HTR2A: variants seen among roughly 807,000 people sequenced by gnomAD.
HTR2A encodes 5-hydroxytryptamine receptor 2A, also known as 5-HT2 receptor.
A neutral mutation model predicts 31.0 loss-of-function variants in HTR2A; 14 were observed. That is an observed-to-expected ratio of 0.45 (90% CI 0.30 to 0.71). The LOEUF is 0.71. Ranked by LOEUF, HTR2A falls within the 30% of genes least tolerant of loss-of-function variation. The pLI is 0.09. For synonymous variants in HTR2A, 209 were observed against 225.2 expected (o/e 0.93, Z 0.64); for missense variants, 442 against 573.3 (o/e 0.77, Z 2.34).
At chr13:46,858,785 A>T (rs1950758206) in intron 3 of HTR2A, among the ~76,000 whole-genome samples, 1 of 152,202 alleles carries the variant, frequency 6.6e-6, no homozygotes, top group South Asian at 2.1e-4. Context: ...GGAAGATGGC[A>T]AGAATGATAT....
rs751948069 is a variant in HTR2A, at chr13:46,878,623, G to GGAAGAGGA, written c.613+13759_613+13766dup. On this transcript the variant is annotated intron_variant, in intron 3 of 3. Transcript: ENST00000542664. ...GTCTCTGGAGAATATTACCATTTAA[G>GGAAGAGGA]GAAGAGGAGAAAAGGAGTCTGCAAA... Among the ~76,000 whole-genome samples, 79 of 152,182 alleles carry GGAAGAGGA rather than the reference G, an allele frequency of 5.2e-4. 1 individual carries two copies. The highest frequency in any genetic ancestry group is 1.0e-3 in the Non-Finnish European group (69 of 68,044).
chr13:46,841,384 G>T (rs953979939), intron 3 of HTR2A, among the ~76,000 whole-genome samples: 1 of 151,916 alleles, frequency 6.6e-6, no homozygotes, highest in Non-Finnish European at 1.5e-5. Flanking sequence ...AATTCATTGA[G>T]GCCAGAAAAA....
At chr13:46,844,411 G>A (rs543132787) in intron 3 of HTR2A, among the ~76,000 whole-genome samples, 2 of 152,202 alleles carry the variant, frequency 1.3e-5, no homozygotes, top group Admixed American at 1.3e-4. Context: ...AGCCACATAG[G>A]GTGGAAAAAA....
At chr13:46,894,057 G>A (rs1333756018) in intron 2 of HTR2A, among the ~76,000 whole-genome samples, 1 of 152,244 alleles carries the variant, frequency 6.6e-6, no homozygotes, top group Non-Finnish European at 1.5e-5. Flanking sequence ...CCCTCGGAGG[G>A]GTTTCTCTGC....
At chr13:46,841,875 C>T (rs1028457438) in intron 3 of HTR2A, among the ~76,000 whole-genome samples, 1 of 152,106 alleles carries the variant, frequency 6.6e-6, no homozygotes, top group Non-Finnish European at 1.5e-5. Context: ...TTTCATCTAC[C>T]ATTTCAGCCC....
chr13:46,891,255 G>A (rs1393304490), intron 3 of HTR2A, among the ~76,000 whole-genome samples: 2 of 152,220 alleles, frequency 1.3e-5, no homozygotes, highest in African/African-American at 4.8e-5. Flanking sequence ...AGTGACACAA[G>A]TGTGATTTGT....
chr13:46,867,521 G>A (rs1950827310), intron 3 of HTR2A, among the ~76,000 whole-genome samples: 1 of 152,212 alleles, frequency 6.6e-6, no homozygotes, highest in African/African-American at 2.4e-5. Context: ...AGCCAATTCT[G>A]CATGGGAATC....
At chr13:46,872,071 A>G (rs77945982) in intron 3 of HTR2A, among the ~76,000 whole-genome samples, 8,098 of 152,304 alleles carry the variant, frequency 0.053, 293 homozygotes, top group East Asian at 0.095. Flanking sequence ...CAAATATGAG[A>G]AGGTACTTTT....
intron 2 of HTR2A, among the ~76,000 whole-genome samples, chr13:46,894,623 G>C (rs1951086583): frequency 1.3e-5 from 2 of 152,270 alleles, no homozygotes; most frequent in East Asian, 3.9e-4. Flanking sequence ...ATCATAACCT[G>C]TCTCTAAGCT....
chr13:46,840,614 G>A (rs746931268), intron 3 of HTR2A, among the ~76,000 whole-genome samples: 5 of 152,152 alleles, frequency 3.3e-5, no homozygotes, highest in Admixed American at 2.0e-4. Context: ...CACACAGAAA[G>A]TTGGGGGCAA....
intron 3 of HTR2A, among the ~76,000 whole-genome samples, chr13:46,882,528 T>C (rs1178776909): frequency 6.6e-6 from 1 of 152,188 alleles, no homozygotes; most frequent in Non-Finnish European, 1.5e-5. Flanking sequence ...TTTAACTTTA[T>C]AGTGGAAAAG....
intron 3 of HTR2A, among the ~76,000 whole-genome samples, chr13:46,883,184 C>T (rs1950980286): frequency 6.6e-6 from 1 of 151,790 alleles, no homozygotes. Context: ...TTTCTCTGTC[C>T]TTCAAAGCTT....
chr13:46,843,254 T>C (rs1319130353), intron 3 of HTR2A, among the ~76,000 whole-genome samples: 2 of 152,232 alleles, frequency 1.3e-5, no homozygotes, highest in African/African-American at 4.8e-5. Context: ...TGTTAGTCTC[T>C]TACTGTGTCT....
At chr13:46,874,581 G>A (rs1249444264) in intron 3 of HTR2A, among the ~76,000 whole-genome samples, 1 of 152,192 alleles carries the variant, frequency 6.6e-6, no homozygotes, top group Non-Finnish European at 1.5e-5. Context: ...GAAACCAATA[G>A]ACAGATACTG....
intron 2 of HTR2A, among the ~76,000 whole-genome samples, chr13:46,894,445 T>C (rs9534511): frequency 0.54 from 82,643 of 152,116 alleles, 23,009 homozygotes; most frequent in Middle Eastern, 0.68. Flanking sequence ...GGCATTTAAA[T>C]GGTCAAGTGA....
At chr13:46,849,268 C>CT (rs1295064148) in intron 3 of HTR2A, among the ~76,000 whole-genome samples, 3 of 152,174 alleles carry the variant, frequency 2.0e-5, no homozygotes, top group African/African-American at 7.2e-5. Context: ...GCAAAATATA[C>CT]TTTTTGACCT....
At chr13:46,884,070 G>A (rs1006793249) in intron 3 of HTR2A, among the ~76,000 whole-genome samples, 4 of 152,164 alleles carry the variant, frequency 2.6e-5, no homozygotes, top group Admixed American at 6.5e-5. Context: ...AAAGTTGGCC[G>A]CCTCATCCAA....
intron 3 of HTR2A, among the ~76,000 whole-genome samples, chr13:46,844,284 A>G (rs1195230971): frequency 1.3e-5 from 2 of 152,218 alleles, no homozygotes; most frequent in Non-Finnish European, 2.9e-5. Context: ...AGAGGAAAAT[A>G]AAAGAGAGAG....
At chr13:46,892,260 T>G (rs767776904) in intron 3 of HTR2A, 130 bp downstream of exon 3, 24 of 835,358 alleles carry the variant, frequency 2.9e-5, no homozygotes, top group Non-Finnish European at 4.8e-5. Context: ...TATGATGTTG[T>G]AACATATCTT....
Sources: gnomAD v4.1 joint callset for allele counts (sites outside exome capture counted in the v4.1 genomes callset) on GRCh38, gnomAD v4.1.1 for gene constraint, MANE v1.5 for transcripts, NCBI Gene and HGNC (gene_info 2026-07-23, HGNC 2026-07-21) for gene names.